Variants in SYN2 observed in about 807,000 individuals in gnomAD.
The protein encoded by SYN2 is synapsin-2.
SYN2 carries 19 observed loss-of-function variants against 50.9 expected under a neutral mutation model. That is an observed-to-expected ratio of 0.37 (90% confidence interval 0.26 to 0.55). SYN2 has a LOEUF of 0.55. Among genes scored for constraint, SYN2 ranks in the 20% least tolerant of loss-of-function variants. The pLI, the probability that SYN2 is intolerant of heterozygous loss-of-function variation, is 0.81. For synonymous variants in SYN2, 255 were observed against 224.9 expected (o/e 1.13, Z -1.20); for missense variants, 587 against 576.4 (o/e 1.02, Z -0.19).
intron 5 of SYN2, among the ~76,000 whole-genome samples, chr3:12,156,613 T>C (rs1461239446): frequency 6.6e-6 from 1 of 152,204 alleles, no homozygotes; most frequent in Non-Finnish European, 1.5e-5. Context: ...CCAGGGTCAC[T>C]GTACTAAGAA....
At chr3:12,103,542 A>G (rs1696119719) in intron 1 of SYN2, among the ~76,000 whole-genome samples, 1 of 152,340 alleles carries the variant, frequency 6.6e-6, no homozygotes, top group South Asian at 2.1e-4. Flanking sequence ...GCAAAATGTC[A>G]GGATCGCCCC....
intron 1 of SYN2, chr3:12,071,230 C>T: frequency 7.2e-6 from 4 of 553,964 alleles, no homozygotes; most frequent in South Asian, 5.8e-5. Flanking sequence ...GATCATCGTG[C>T]CCCCAGAGCG....
At chr3:12,007,195 A>G (rs938593021) in intron 1 of SYN2, among the ~76,000 whole-genome samples, 1 of 152,194 alleles carries the variant, frequency 6.6e-6, no homozygotes, top group East Asian at 1.9e-4. Flanking sequence ...TGCCCTGGAG[A>G]CTAGAAGCCT....
intron 1 of SYN2, among the ~76,000 whole-genome samples, chr3:12,023,291 G>A (rs307608): frequency 0.88 from 133,668 of 152,182 alleles, 58,912 homozygotes; most frequent in East Asian, 0.97. Flanking sequence ...CAGGAGCTAG[G>A]TTTATTCTTC....
intron 1 of SYN2, among the ~76,000 whole-genome samples, chr3:12,025,170 G>T (rs57829748): frequency 6.6e-6 from 1 of 152,012 alleles, no homozygotes; most frequent in Non-Finnish European, 1.5e-5. Context: ...CCATCATGGG[G>T]GGGGAGGGGC....
At chr3:12,114,758 T>C (rs1187659071) in intron 1 of SYN2, among the ~76,000 whole-genome samples, 1 of 152,216 alleles carries the variant, frequency 6.6e-6, no homozygotes, top group African/African-American at 2.4e-5. Flanking sequence ...AGAAATGTAC[T>C]ATTTCTTCTT....
At chr3:12,013,946 C>T (rs1348732892) in intron 1 of SYN2, among the ~76,000 whole-genome samples, 1 of 152,198 alleles carries the variant, frequency 6.6e-6, no homozygotes, top group Non-Finnish European at 1.5e-5. Context: ...TCTGCTACTA[C>T]AGTTTCCCTT....
chr3:12,012,186 A>G (rs1693923764), intron 1 of SYN2, among the ~76,000 whole-genome samples: 1 of 152,022 alleles, frequency 6.6e-6, no homozygotes, highest in African/African-American at 2.4e-5. Flanking sequence ...TGACAAAAAC[A>G]TTACCCATTA....
chr3:12,007,232 C>T (rs985545041), intron 1 of SYN2, among the ~76,000 whole-genome samples: 3 of 152,180 alleles, frequency 2.0e-5, no homozygotes, highest in Non-Finnish European at 4.4e-5. Flanking sequence ...AAGCCACTTT[C>T]CCGTGGGCTG....
intron 1 of SYN2, among the ~76,000 whole-genome samples, chr3:12,080,012 C>A (rs1327302248): frequency 6.6e-6 from 1 of 152,112 alleles, no homozygotes; most frequent in African/African-American, 2.4e-5. Context: ...GATTCAGTTT[C>A]TTCCTGGTTC....
chr3:12,047,071 A>G (rs1383692931), intron 1 of SYN2, among the ~76,000 whole-genome samples: 1 of 152,186 alleles, frequency 6.6e-6, no homozygotes, highest in Non-Finnish European at 1.5e-5. Flanking sequence ...TTTTTTCATG[A>G]CTGAATGGTA....
intron 9 of SYN2, 61 bp from the exon 10 acceptor site, chr3:12,169,696 T>C (rs1032918030): frequency 3.8e-6 from 6 of 1,587,276 alleles, no homozygotes; most frequent in African/African-American, 2.7e-5. Flanking sequence ...TTCTGAAAGA[T>C]TGTACCAGGC....
chr3:12,092,762 A>C (rs1015014313), intron 1 of SYN2, among the ~76,000 whole-genome samples: 1 of 152,196 alleles, frequency 6.6e-6, no homozygotes, highest in African/African-American at 2.4e-5. Flanking sequence ...TATAGTTGGT[A>C]CACAATTAAT....
chr3:12,027,078 A>G (rs996434224), intron 1 of SYN2, among the ~76,000 whole-genome samples: 2 of 152,212 alleles, frequency 1.3e-5, no homozygotes, highest in African/African-American at 2.4e-5. Flanking sequence ...TCAGACTGCA[A>G]TAAACTCAGT....
At chr3:12,064,486 T>C (rs1695170309) in intron 1 of SYN2, among the ~76,000 whole-genome samples, 1 of 152,084 alleles carries the variant, frequency 6.6e-6, no homozygotes, top group South Asian at 2.1e-4. Context: ...ATAATGTAGC[T>C]AAGAGAGTTC....
chr3:12,057,592 GT>G (rs1297846848), intron 1 of SYN2, among the ~76,000 whole-genome samples: 1 of 152,082 alleles, frequency 6.6e-6, no homozygotes, highest in Non-Finnish European at 1.5e-5. Context: ...TTTGGTTACA[GT>G]TTGATTTTAG....
chr3:12,049,408 C>T (rs965556959), intron 1 of SYN2, among the ~76,000 whole-genome samples: 1 of 151,922 alleles, frequency 6.6e-6, no homozygotes, highest in Non-Finnish European at 1.5e-5. Flanking sequence ...ATCCCAGCCA[C>T]CTGGGAGGGC....
intron 1 of SYN2, among the ~76,000 whole-genome samples, chr3:12,048,933 C>T (rs1457654352): frequency 6.6e-6 from 1 of 152,174 alleles, no homozygotes; most frequent in African/African-American, 2.4e-5. Flanking sequence ...TTTACAATCA[C>T]TTGCAGACCT....
chr3:12,097,404 A>C (rs1695958435), intron 1 of SYN2, among the ~76,000 whole-genome samples: 1 of 151,742 alleles, frequency 6.6e-6, no homozygotes, highest in Non-Finnish European at 1.5e-5. Flanking sequence ...CAGGAGATCA[A>C]GACCATCCTG....
Sources: gnomAD v4.1 joint callset for allele counts (sites outside exome capture counted in the v4.1 genomes callset) on GRCh38, gnomAD v4.1.1 for gene constraint, MANE v1.5 for transcripts, NCBI Gene and HGNC (gene_info 2026-07-23, HGNC 2026-07-21) for gene names.